ADARB2: variants seen among roughly 807,000 people sequenced by gnomAD.
The protein encoded by ADARB2 is adenosine deaminase RNA specific B2 (inactive).
In ADARB2, 25 loss-of-function variants were observed where a neutral mutation model predicts 62.2. The ratio of observed to expected loss-of-function variants is 0.40; its 90% CI spans 0.29 to 0.56. The LOEUF (loss-of-function observed/expected upper bound fraction) is 0.56. Ranked by LOEUF, ADARB2 falls within the 20% of genes least tolerant of loss-of-function variation. The pLI is 0.43. For missense variants in ADARB2, 1,071 were observed against 1,077.4 expected (o/e 0.99, Z 0.08); for synonymous variants, 572 against 500.8 (o/e 1.14, Z -1.90).
At chr10:1,417,906 G>A (rs1305638999) in intron 1 of ADARB2, among the ~76,000 whole-genome samples, 1 of 152,254 alleles carries the variant, frequency 6.6e-6, no homozygotes, top group Non-Finnish European at 1.5e-5. Flanking sequence ...AAGAGCAGAC[G>A]CCAGGGTGCA....
intron 4 of ADARB2, among the ~76,000 whole-genome samples, chr10:1,256,890 G>A (rs1014114530): frequency 2.0e-5 from 3 of 152,182 alleles, no homozygotes; most frequent in African/African-American, 7.2e-5. Flanking sequence ...TGGTATGATC[G>A]ATGAACGGTC....
intron 3 of ADARB2, among the ~76,000 whole-genome samples, chr10:1,302,271 G>T (rs186556662): frequency 2.2e-4 from 34 of 152,284 alleles, no homozygotes; most frequent in African/African-American, 7.9e-4. Context: ...GGTGACGGAC[G>T]GCACCTGGAA....
At position 1,575,942 on chromosome 10, in the gene ADARB2, A is replaced by AT. The variant is rs1469746378; in HGVS notation, c.100+161108_100+161109insA. ...AGGGGCACCTATAGCTGCAGAGCAC[A>AT]AAGCGCATGGGAGGGGTACTCCGGG... On this transcript the variant is annotated intron_variant, in intron 1 of 9. Transcript: ENST00000381312. Among the ~76,000 whole-genome samples, 5 of 152,080 alleles carry AT rather than the reference A, an allele frequency of 3.3e-5. No individual in the cohort carries two copies. The East Asian group carries it at 9.7e-4, about 29-fold the overall frequency.
intron 3 of ADARB2, among the ~76,000 whole-genome samples, chr10:1,350,386 C>A (rs1439424588): frequency 6.6e-6 from 1 of 152,174 alleles, no homozygotes; most frequent in African/African-American, 2.4e-5. Flanking sequence ...CGCTCCTCCC[C>A]AGGCTGCTCC....
chr10:1,663,620 A>ATTTT (rs55695844), intron 1 of ADARB2, among the ~76,000 whole-genome samples: 3 of 148,364 alleles, frequency 2.0e-5, no homozygotes, highest in Non-Finnish European at 3.0e-5. Flanking sequence ...TGACAAATGA[A>ATTTT]TTTTTTTTTT....
At chr10:1,482,828 G>T (rs1356950465) in intron 1 of ADARB2, among the ~76,000 whole-genome samples, 1 of 151,992 alleles carries the variant, frequency 6.6e-6, no homozygotes, top group Non-Finnish European at 1.5e-5. Context: ...CTGTGTTCTA[G>T]GTTTCTCGGG....
chr10:1,437,932 C>A (rs1830852553), intron 1 of ADARB2, among the ~76,000 whole-genome samples: 1 of 152,230 alleles, frequency 6.6e-6, no homozygotes, highest in South Asian at 2.1e-4. Context: ...GCGAGGCTCC[C>A]CACCTGGGGT....
At chr10:1,651,524 C>T (rs182774569) in intron 1 of ADARB2, among the ~76,000 whole-genome samples, 1 of 152,258 alleles carries the variant, frequency 6.6e-6, no homozygotes, top group African/African-American at 2.4e-5. Flanking sequence ...CCTAGACAAC[C>T]ACACTCCCTG....
chr10:1,621,420 C>T (rs866937015), intron 1 of ADARB2, among the ~76,000 whole-genome samples: 2,993 of 144,430 alleles, frequency 0.021, 116 homozygotes, highest in African/African-American at 0.072. Context: ...TTCTTTCTTT[C>T]TTTTTTTTTT....
At chr10:1,245,512 G>A (rs1257891886) in intron 4 of ADARB2, among the ~76,000 whole-genome samples, 362 of 103,338 alleles carry the variant, frequency 3.5e-3, no homozygotes, top group Admixed American at 7.9e-3. Context: ...AACAGGCCCC[G>A]GTGTGTGATG....
At chr10:1,593,922 G>A (rs1833299872) in intron 1 of ADARB2, among the ~76,000 whole-genome samples, 1 of 152,142 alleles carries the variant, frequency 6.6e-6, no homozygotes, top group Non-Finnish European at 1.5e-5. Flanking sequence ...CCATCTCATG[G>A]GATTCGGAGA....
rs932412349 is a variant in ADARB2, at chr10:1,685,285, C to T, written c.100+51766G>A. Among the ~76,000 whole-genome samples, 8 of 152,114 alleles carry T rather than the reference C, an allele frequency of 5.3e-5. No individual in the cohort carries two copies. In the East Asian group the frequency reaches 9.6e-4, roughly 18 times the overall value. On this transcript the variant is annotated intron_variant, in intron 1 of 9. Transcript: ENST00000381312. ...CAGAGAAAGAAGGACAGAGACACAG[C>T]GGCCACCTGAATGAGCACACCAAGA...
chr10:1,428,137 AT>A (rs1311466455), intron 1 of ADARB2, among the ~76,000 whole-genome samples: 2 of 150,764 alleles, frequency 1.3e-5, no homozygotes, highest in Non-Finnish European at 3.0e-5. Flanking sequence ...CACCCGACTA[AT>A]TTTTTTGTAT....
chr10:1,255,445 C>T lies in ADARB2; in HGVS notation c.1193-13146G>A, dbSNP rs761265614. Among the ~76,000 whole-genome samples, 5 of 152,236 alleles carry T rather than the reference C, an allele frequency of 3.3e-5. No individual in the cohort carries two copies. The highest frequency in any genetic ancestry group is 7.3e-5 in the Non-Finnish European group (5 of 68,044). The stretch of plus-strand genomic sequence containing the variant: ...TGCTCACTCCACATAACATACAACA[C>T]GACAAAGGCATTGAGAGAGCCCAGA... On this transcript the variant is annotated intron_variant, in intron 4 of 9. Transcript: ENST00000381312. The surrounding 1 kb of genome is among the most constrained non-coding windows in gnomAD (Gnocchi z 4.7).
At chr10:1,299,375 C>T (rs536263489) in intron 3 of ADARB2, among the ~76,000 whole-genome samples, 1 of 152,258 alleles carries the variant, frequency 6.6e-6, no homozygotes, top group Non-Finnish European at 1.5e-5. Context: ...CCTCACATGT[C>T]AGCAGGGGTG....
intron 8 of ADARB2, among the ~76,000 whole-genome samples, chr10:1,195,483 G>A (rs1419479435): frequency 1.3e-5 from 2 of 148,560 alleles, no homozygotes; most frequent in African/African-American, 5.0e-5. Flanking sequence ...GAATGGCAGA[G>A]TTTTGCAGGC....
chr10:1,674,996 T>TGTTCTGG lies in ADARB2; in HGVS notation c.100+62054_100+62055insCCAGAAC, dbSNP rs1377944434. The TGTTCTGG allele has an allele frequency of 1.8e-5, 17 of 965,256 alleles. No homozygotes were observed. In the African/African-American group the frequency reaches 2.1e-4, roughly 12 times the overall value. 59.8% of individuals were successfully genotyped at this position (965,256 alleles called of 1,614,324 possible). The stretch of plus-strand genomic sequence containing the variant: ...GGTTTGGGTTTGGGGGGTACATGGA[T>TGTTCTGG]ATTCTGGAGGTTTGGGTTTGGGGGT... On this transcript the variant is annotated intron_variant, in intron 1 of 9. Transcript: ENST00000381312.
chr10:1,387,972 A>G (rs991364089), intron 1 of ADARB2, among the ~76,000 whole-genome samples: 11 of 152,056 alleles, frequency 7.2e-5, no homozygotes, highest in Admixed American at 6.5e-4. Context: ...TCACAACCTT[A>G]ACATAATAAA....
intron 3 of ADARB2, among the ~76,000 whole-genome samples, chr10:1,301,321 G>T (rs1209792129): frequency 8.4e-6 from 1 of 118,890 alleles, no homozygotes; most frequent in Non-Finnish European, 2.0e-5. Context: ...AAATTAAGTG[G>T]CCAAGCAAAA....
Sources: gnomAD v4.1 joint callset for allele counts (sites outside exome capture counted in the v4.1 genomes callset) on GRCh38, gnomAD v4.1.1 for gene constraint, Gnocchi (gnomAD v3.1) non-coding constraint, MANE v1.5 for transcripts, NCBI Gene and HGNC (gene_info 2026-07-23, HGNC 2026-07-21) for gene names.